Variants in MCTS1 observed in about 807,000 individuals in gnomAD.
The protein encoded by MCTS1 is MCTS1 re-initiation and release factor, also known as malignant T-cell-amplified sequence 1.
For missense variants in MCTS1, 55 were observed against 128.6 expected, an observed-to-expected ratio of 0.43 and a Z score of 2.77; for synonymous variants, 26 against 40.8, an observed-to-expected ratio of 0.64 and a Z score of 1.38.
rs963283531 is a variant in MCTS1 at position 120,616,947 on chromosome X, A to AT, written c.*4684dup. On this transcript the variant is annotated 3_prime_UTR_variant, in exon 6 of 6. Transcript: ENST00000371317. The stretch of plus-strand genomic sequence containing the variant: ...TAGTAATACTAACAGGTGAAAACTG[A>AT]TATTTCAAATGACTAAATAGACTTA... Among the ~76,000 whole-genome samples the AT allele has an allele frequency of 5.3e-5, 6 of 112,235 alleles. No homozygotes were observed. The highest frequency in any genetic ancestry group is 9.5e-5 in the Admixed American group (1 of 10,520).
rs1373921331 is a variant in MCTS1 at position 120,615,576 on chromosome X, A to AT, written c.*3313dup. On this transcript the variant is annotated 3_prime_UTR_variant, in exon 6 of 6. Transcript: ENST00000371317. ...TACTAATCCTTTTCCAATTTTAGTC[A>AT]TCAAAAATTGTAAATTACAAATGAA... 8.9e-6 allele frequency among the ~76,000 whole-genome samples: 1 copy of AT among 111,926 alleles called. No individual in the cohort carries two copies. Among genetic ancestry groups the AT allele is most frequent in the Non-Finnish European group, 1.9e-5 (1 of 53,176 alleles).
intron 4 of MCTS1, 40 bp downstream of exon 4, chrX:120,608,398 T>C (rs770893030): frequency 4.4e-6 from 5 of 1,136,230 alleles, no homozygotes; most frequent in Admixed American, 5.0e-5. Context: ...AATGTATTCA[T>C]TGTGCTCTTA....
At chrX:120,604,491 T>C in intron 1 of MCTS1, 1 of 540,873 alleles carries the variant, frequency 1.8e-6, no homozygotes, top group Non-Finnish European at 2.8e-6. Flanking sequence ...CCCCTCTTTC[T>C]CTTTTGCCCC....
chrX:120,620,652 T>G lies in MCTS1; in HGVS notation c.*8388T>G, dbSNP rs1927009190. 1 of 108,649 alleles carries G rather than the reference T, an allele frequency of 9.2e-6. No individual in the cohort carries two copies. Among genetic ancestry groups the G allele is most frequent in the Non-Finnish European group, 1.9e-5 (1 of 52,316 alleles). The allele number at this position is 108,649 out of a possible 1,213,427, so 9.0% of individuals were successfully genotyped here. A position where few individuals can be genotyped will look rare whatever the true frequency, so the allele number is the denominator to read the frequency against. On this transcript the variant is annotated 3_prime_UTR_variant, in exon 6 of 6. Transcript: ENST00000371317. ...CCGTCTAAAAAAAAAAAAAAGATATTAAAATTAATGACAGGAAGAGTTTGG... is the reference window on the plus strand; with the variant it reads ...CCGTCTAAAAAAAAAAAAAAGATATGAAAATTAATGACAGGAAGAGTTTGG...
chrX:120,612,394 T>C lies in MCTS1; in HGVS notation c.*130T>C. On this transcript the variant is annotated 3_prime_UTR_variant, in exon 6 of 6. Transcript: ENST00000371317. ...AATTCACCAGATGCTAAAATTCTGT[T>C]AGCTTCAGAAATTATTTTAAGTTTT... 1 of 495,672 alleles carries C rather than the reference T, an allele frequency of 2.0e-6. No homozygotes were observed. Among genetic ancestry groups the C allele is most frequent in the Non-Finnish European group, 3.3e-6 (1 of 300,786 alleles). 40.8% of individuals were successfully genotyped at this position (495,672 alleles called of 1,213,427 possible). A position where few individuals can be genotyped will look rare whatever the true frequency, so the allele number is the denominator to read the frequency against.
In MCTS1 at chrX:120,612,660, C is replaced by CGTGTGTGTGTGTGTGTGT. The variant is rs10563395; in HGVS notation, c.*405_*422dup. Among the ~76,000 whole-genome samples, 2 of 97,412 alleles carry CGTGTGTGTGTGTGTGTGT rather than the reference C, an allele frequency of 2.1e-5. No homozygotes were observed. Among genetic ancestry groups the CGTGTGTGTGTGTGTGTGT allele is most frequent in the African/African-American group, 3.9e-5 (1 of 25,683 alleles). The allele number at this position is 97,412 out of a possible 115,157, so 84.6% of individuals were successfully genotyped here. ...CAGGGGACCCAGCAGTGCTCATTCT[C>CGTGTGTGTGTGTGTGTGT]GTGTGTGTGTGTGTGTGTGTGTGTG... is the stretch of plus-strand genomic sequence containing the variant. On this transcript the variant is annotated 3_prime_UTR_variant, in exon 6 of 6. Transcript: ENST00000371317.
intron 1 of MCTS1, chrX:120,605,009 T>C: frequency 3.2e-6 from 2 of 633,514 alleles, no homozygotes; most frequent in Non-Finnish European, 4.4e-6. Flanking sequence ...TGGTCTTTTG[T>C]ATCTCAAGAA....
chrX:120,614,664 C>T lies in MCTS1; in HGVS notation c.*2400C>T, dbSNP rs969144306. Among the ~76,000 whole-genome samples, 1 of 111,695 alleles carries T rather than the reference C, an allele frequency of 9.0e-6. No individual in the cohort carries two copies. The highest frequency in any genetic ancestry group is 1.9e-5 in the Non-Finnish European group (1 of 53,143). Reference sequence around the variant, plus strand: ...ACTGGCTTCAAATTCAGATGTCTCCCTATTTGGGGGAGGAGGCACCCTATT... The same window carrying T: ...ACTGGCTTCAAATTCAGATGTCTCCTTATTTGGGGGAGGAGGCACCCTATT... On this transcript the variant is annotated 3_prime_UTR_variant, in exon 6 of 6. Coordinates refer to ENST00000371317, the MANE Select transcript of MCTS1 (RefSeq NM_014060.3).
intron 1 of MCTS1, chrX:120,604,660 A>T: frequency 9.6e-7 from 1 of 1,037,085 alleles, no homozygotes; most frequent in South Asian, 3.2e-5. Flanking sequence ...TTCCTGGGTC[A>T]TGGGAGTGAA....
At position 120,612,324 on chromosome X, in the gene MCTS1, C is replaced by T. The variant is rs1474851557; in HGVS notation, c.*60C>T. 1.2e-6 allele frequency: 1 copy of T among 823,021 alleles called. No homozygotes were observed. Among genetic ancestry groups the T allele is most frequent in the Non-Finnish European group, 1.7e-6 (1 of 577,865 alleles). 67.8% of individuals were successfully genotyped at this position (823,021 alleles called of 1,213,427 possible). A position where few individuals can be genotyped will look rare whatever the true frequency, so the allele number is the denominator to read the frequency against. Reference sequence around the variant, plus strand: ...TATTGTGCTGTATCTGTGTTTGTGTCTGTGTGTGACAGCATGAAGATAATG... The same window carrying T: ...TATTGTGCTGTATCTGTGTTTGTGTTTGTGTGTGACAGCATGAAGATAATG... On this transcript the variant is annotated 3_prime_UTR_variant, in exon 6 of 6. Transcript: ENST00000371317.
Position 120,607,682 on chromosome X carries a change from C to G in MCTS1, c.263-543C>G, listed in dbSNP as rs1422232485. ...TACATTAGGGTTTACTCTTTGTATT[C>G]TACAGTTTTATGGTTTTTCCCAAAT... is the stretch of plus-strand genomic sequence containing the variant. On this transcript the variant is annotated intron_variant, in intron 3 of 5. Transcript: ENST00000371317. 2.7e-5 allele frequency among the ~76,000 whole-genome samples: 3 copies of G among 111,327 alleles called. No individual in the cohort carries two copies. In the East Asian group the frequency reaches 8.4e-4, roughly 31 times the overall value.
rs751657026 is a variant in MCTS1 at position 120,619,509 on chromosome X, G to T, written c.*7245G>T. ...GAGGTCATACAACTTCAGGAAAGTT[G>T]TATGACCTCTCTGAGGTAATAAATG... On this transcript the variant is annotated 3_prime_UTR_variant, in exon 6 of 6. Coordinates refer to ENST00000371317, the MANE Select transcript of MCTS1 (RefSeq NM_014060.3). Among the ~76,000 whole-genome samples, 1 of 109,141 alleles carries T rather than the reference G, an allele frequency of 9.2e-6. No homozygotes were observed. The highest frequency in any genetic ancestry group is 1.9e-5 in the Non-Finnish European group (1 of 52,387). 94.8% of individuals were successfully genotyped at this position (109,141 alleles called of 115,157 possible).
At chrX:120,606,640 C>T (rs1023800194) in intron 3 of MCTS1, among the ~76,000 whole-genome samples, 10 of 110,983 alleles carry the variant, frequency 9.0e-5, no homozygotes, top group African/African-American at 2.6e-4. Flanking sequence ...AAAAGTTAGC[C>T]GGGCGTGGTC....
At chrX:120,604,480 A>C (rs776132126) in intron 1 of MCTS1, 9 of 514,870 alleles carry the variant, frequency 1.7e-5, no homozygotes, top group African/African-American at 1.2e-4. Context: ...TTTTCTCCTT[A>C]CCCCTCTTTC....
intron 2 of MCTS1, 57 bp downstream of exon 2, chrX:120,605,616 G>C: frequency 1.9e-6 from 2 of 1,056,495 alleles, no homozygotes; most frequent in Non-Finnish European, 2.5e-6. Context: ...TTAATGATTA[G>C]ATTGCACTCA....
chrX:120,611,344 T>C (rs1229867787), intron 5 of MCTS1: 6 of 229,721 alleles, frequency 2.6e-5, no homozygotes, highest in South Asian at 2.5e-4. Flanking sequence ...TTTAGGAATC[T>C]TATTTAGTAT....
chrX:120,620,593 C>T lies in MCTS1; in HGVS notation c.*8329C>T, dbSNP rs1279667014. ...AGGTTGCAGTGAGCCGAGATTGTGC[C>T]ACTGCACTCCAGCCTGGGCGACAGA... On this transcript the variant is annotated 3_prime_UTR_variant, in exon 6 of 6. Transcript: ENST00000371317. The T allele has an allele frequency of 1.8e-5, 2 of 108,616 alleles. No individual in the cohort carries two copies. The highest frequency in any genetic ancestry group is 3.4e-5 in the African/African-American group (1 of 29,830). 9.0% of individuals were successfully genotyped at this position (108,616 alleles called of 1,213,427 possible).
chrX:120,611,717 G>C lies in MCTS1; in HGVS notation c.465-466G>C, dbSNP rs1926691771. ...TTACAGGTGTGAGCCACTGCACCTG[G>C]TCATTACTGCTAGTTTTAAAAACAG... On this transcript the variant is annotated intron_variant, in intron 5 of 5. Coordinates refer to ENST00000371317, the MANE Select transcript of MCTS1 (RefSeq NM_014060.3). 3.6e-5 allele frequency among the ~76,000 whole-genome samples: 4 copies of C among 112,469 alleles called. No homozygotes were observed. In the South Asian group the frequency reaches 1.5e-3, roughly 41 times the overall value.
At position 120,614,276 on chromosome X, in the gene MCTS1, G is replaced by T. The variant is rs1926783641; in HGVS notation, c.*2012G>T. The stretch of plus-strand genomic sequence containing the variant: ...TAGGTCTGCCTATGGTAAACAATTA[G>T]GAAACAGGAAGTTACTTGGTAAACA... On this transcript the variant is annotated 3_prime_UTR_variant, in exon 6 of 6. Coordinates refer to ENST00000371317, the MANE Select transcript of MCTS1 (RefSeq NM_014060.3). 8.9e-6 allele frequency among the ~76,000 whole-genome samples: 1 copy of T among 112,066 alleles called. No individual in the cohort carries two copies. Among genetic ancestry groups the T allele is most frequent in the Non-Finnish European group, 1.9e-5 (1 of 53,221 alleles).
Sources: allele counts gnomAD v4.1 joint callset (sites outside exome capture counted in the v4.1 genomes callset), GRCh38; gene constraint gnomAD v4.1.1; transcripts MANE v1.5; gene names NCBI Gene and HGNC (gene_info 2026-07-23, HGNC 2026-07-21).